PLA2R1: variants seen among roughly 807,000 people sequenced by gnomAD.
PLA2R1 encodes phospholipase A2 receptor 1.
Under a neutral mutation model 195.9 loss-of-function variants are expected in PLA2R1, and 158 were observed. That is an observed-to-expected ratio of 0.81 (90% CI 0.71 to 0.92). The LOEUF is 0.92. Ranked by LOEUF, PLA2R1 falls within the 40% of genes least tolerant of loss-of-function variation. The probability of loss-of-function intolerance (pLI) is 0.00; values close to 1 mark genes in which losing one functional copy is unlikely to be tolerated. For synonymous variants in PLA2R1, 586 were observed against 598.2 expected (o/e 0.98, Z 0.30); for missense variants, 1,626 against 1,764.6 (o/e 0.92, Z 1.41).
At chr2:160,012,423 T>A (rs936105063) in intron 10 of PLA2R1, among the ~76,000 whole-genome samples, 19 of 152,212 alleles carry the variant, frequency 1.2e-4, no homozygotes, top group Admixed American at 5.2e-4. Context: ...TGGGGCAGAT[T>A]GTATGGAGTG....
chr2:159,965,561 G>T (rs909341917), intron 20 of PLA2R1, among the ~76,000 whole-genome samples: 4 of 152,140 alleles, frequency 2.6e-5, no homozygotes, highest in Admixed American at 6.5e-5. Context: ...CATCTTGATT[G>T]CTTCCAAGTT....
rs1397578034 is a variant in PLA2R1, at chr2:160,020,262, T to G, written c.1296A>C (p.Glu432Asp). The G allele has an allele frequency of 6.2e-7, 1 of 1,606,412 alleles. No individual in the cohort carries two copies. The highest frequency in any genetic ancestry group is 1.3e-5 in the African/African-American group (1 of 74,646). ...AACCAATCCATGTTTCTGATGCATT[T>G]TCTGTAAGAGATAAATGTAAATTAC... ...VEFLVTLLGD[E>D]NASETWIGLS... Residue 432 changes from glutamate to aspartate, a missense_variant and splice_region_variant, in exon 8 of 30, where the codon GAA becomes GAC. Transcript: ENST00000283243.
chr2:159,987,759 G>C (rs1690454804), intron 11 of PLA2R1, among the ~76,000 whole-genome samples: 1 of 152,124 alleles, frequency 6.6e-6, no homozygotes, highest in African/African-American at 2.4e-5. Flanking sequence ...GATTCAACAG[G>C]GGAAAATAGG....
At chr2:159,986,746 C>A (rs1574739191) in intron 12 of PLA2R1, among the ~76,000 whole-genome samples, 1 of 152,094 alleles carries the variant, frequency 6.6e-6, no homozygotes, top group East Asian at 1.9e-4. Context: ...GCCACCATGC[C>A]TGGCTACTTT....
chr2:159,950,163 G>A (rs1191453352), intron 24 of PLA2R1, among the ~76,000 whole-genome samples: 1 of 152,136 alleles, frequency 6.6e-6, no homozygotes, highest in South Asian at 2.1e-4. Flanking sequence ...ACCTTTCCAA[G>A]TCATAGAAAA....
intron 1 of PLA2R1, among the ~76,000 whole-genome samples, chr2:160,053,975 C>A (rs1392167917): frequency 4.6e-5 from 7 of 152,246 alleles, no homozygotes; most frequent in Non-Finnish European, 1.0e-4. Context: ...GGGCCCTGTG[C>A]AACTGCACTG....
rs754236792 is a variant in PLA2R1 at position 160,016,608 on chromosome 2, A to G, written c.1551+6T>C. The G allele has an allele frequency of 1.2e-5, 18 of 1,476,688 alleles. No individual in the cohort carries two copies. In the African/African-American group the frequency reaches 1.9e-4, roughly 16 times the overall value. 91.5% of individuals were successfully genotyped at this position (1,476,688 alleles called of 1,614,324 possible). A position where few individuals can be genotyped will look rare whatever the true frequency, so the allele number is the denominator to read the frequency against. ...GTACCTAAATTGCAATGTTAACAGC[A>G]CTTACCTCTTGACATCCTGATTCAG... On this transcript the variant is annotated splice_donor_region_variant and intron_variant, in intron 9 of 29. Coordinates refer to ENST00000283243, the MANE Select transcript of PLA2R1 (RefSeq NM_007366.5).
chr2:159,954,550 C>T (rs1687965438), intron 23 of PLA2R1, among the ~76,000 whole-genome samples: 1 of 151,236 alleles, frequency 6.6e-6, no homozygotes, highest in African/African-American at 2.4e-5. Flanking sequence ...GCTAGGCTGC[C>T]CAGAGTTCCA....
chr2:160,016,491 A>C, intron 9 of PLA2R1, 123 bp downstream of exon 9: 1 of 656,008 alleles, frequency 1.5e-6, no homozygotes, highest in African/African-American at 1.9e-5. Context: ...GCGAGGAGAG[A>C]GAGAGAGATG....
At chr2:159,968,443 T>G (rs1423196590) in intron 19 of PLA2R1, among the ~76,000 whole-genome samples, 1 of 152,214 alleles carries the variant, frequency 6.6e-6, no homozygotes, top group African/African-American at 2.4e-5. Flanking sequence ...GCAGATTAGC[T>G]GCTATTCTCC....
chr2:159,968,450 C>T (rs1031348545), intron 19 of PLA2R1, among the ~76,000 whole-genome samples: 15 of 152,184 alleles, frequency 9.9e-5, no homozygotes, highest in Admixed American at 3.9e-4. Context: ...AGCTGCTATT[C>T]TCCCAGACGC....
chr2:160,050,343 G>A (rs1037153619), intron 1 of PLA2R1, among the ~76,000 whole-genome samples: 5 of 152,318 alleles, frequency 3.3e-5, no homozygotes, highest in Non-Finnish European at 7.3e-5. Context: ...GAAGGAAGAC[G>A]GGTGTGGCAG....
chr2:160,043,228 T>C (rs1694659836), intron 2 of PLA2R1, among the ~76,000 whole-genome samples: 1 of 151,952 alleles, frequency 6.6e-6, no homozygotes, highest in South Asian at 2.1e-4. Flanking sequence ...GGATCAGATT[T>C]ACATTTTTAA....
chr2:159,929,493 T>TA (rs947354719), downstream of PLA2R1, among the ~76,000 whole-genome samples: 1 of 151,740 alleles, frequency 6.6e-6, no homozygotes, highest in Non-Finnish European at 1.5e-5. Context: ...CAAAAAAATA[T>TA]AAAAAAATAG....
At chr2:160,047,585 C>T (rs184940458) in intron 1 of PLA2R1, among the ~76,000 whole-genome samples, 12 of 152,288 alleles carry the variant, frequency 7.9e-5, no homozygotes, top group Non-Finnish European at 1.5e-4. Context: ...AAATACTCTC[C>T]AAACAACCAG....
At chr2:159,955,913 A>T in intron 21 of PLA2R1, 85 bp from the exon 22 acceptor site, 1 of 760,742 alleles carries the variant, frequency 1.3e-6, no homozygotes, top group Non-Finnish European at 2.1e-6. Context: ...CTATGATTAT[A>T]TTTAAATGCC....
chr2:159,930,394 C>T (rs1458904567), downstream of PLA2R1, among the ~76,000 whole-genome samples: 3 of 144,386 alleles, frequency 2.1e-5, no homozygotes, highest in Non-Finnish European at 3.0e-5. Context: ...GGAGACAGAG[C>T]GAGACTCCGT....
chr2:160,056,279 T>G (rs1695536130), intron 1 of PLA2R1, among the ~76,000 whole-genome samples: 1 of 152,234 alleles, frequency 6.6e-6, no homozygotes, highest in Admixed American at 6.5e-5. Flanking sequence ...TATACATATG[T>G]AGACCTATAT....
At chr2:160,029,446 CG>C (rs1304266141) in intron 4 of PLA2R1, among the ~76,000 whole-genome samples, 2 of 151,952 alleles carry the variant, frequency 1.3e-5, no homozygotes, top group South Asian at 2.1e-4. Flanking sequence ...CAGAGTGTCT[CG>C]GGGGATCCCT....
Sources: allele counts gnomAD v4.1 joint callset (sites outside exome capture counted in the v4.1 genomes callset), GRCh38; gene constraint gnomAD v4.1.1; transcripts MANE v1.5; gene names NCBI Gene and HGNC (gene_info 2026-07-23, HGNC 2026-07-21).